ALDH3B1: variants seen among roughly 807,000 people sequenced by gnomAD.
ALDH3B1 encodes aldehyde dehydrogenase 3 family member B1, also known as aldehyde dehydrogenase family 3 member B1.
ALDH3B1 carries 37 observed loss-of-function variants against 46.2 expected under a neutral mutation model. The observed-to-expected ratio is 0.80, with a 90% CI of 0.62 to 1.05. ALDH3B1 has a LOEUF of 1.05. Ranked by LOEUF, ALDH3B1 falls within the 50% of genes least tolerant of loss-of-function variation. The pLI, the probability that ALDH3B1 is intolerant of heterozygous loss-of-function variation, is 0.00. For missense variants in ALDH3B1, 603 were observed against 665.5 expected (o/e 0.91, Z 1.03); for synonymous variants, 283 against 281.0 (o/e 1.01, Z -0.07).
At chr11:68,019,438 G>T (rs1232995578) in intron 5 of ALDH3B1, among the ~76,000 whole-genome samples, 183 bp downstream of exon 5, 1 of 152,212 alleles carries the variant, frequency 6.6e-6, no homozygotes, top group Non-Finnish European at 1.5e-5. Context: ...GAGGAGCAGC[G>T]AGGGCAGCCT....
chr11:68,015,499 A>AG, intron 2 of ALDH3B1, 40 bp downstream of exon 2: 1 of 1,556,602 alleles, frequency 6.4e-7, no homozygotes, highest in Non-Finnish European at 8.7e-7. Flanking sequence ...GCACTGGGGC[A>AG]GGGGGGCATG....
intron 8 of ALDH3B1, among the ~76,000 whole-genome samples, chr11:68,023,756 G>A (rs1375360377): frequency 6.6e-6 from 1 of 151,952 alleles, no homozygotes; most frequent in Non-Finnish European, 1.5e-5. Flanking sequence ...AAAAGTGATG[G>A]CAGGGCTGGG....
In ALDH3B1 at chr11:68,018,617, G is replaced by A. The variant is rs1472274751; in HGVS notation, c.253G>A (p.Glu85Lys). 13 of 1,578,578 alleles carry A rather than the reference G, an allele frequency of 8.2e-6. No individual in the cohort carries two copies. The highest frequency in any genetic ancestry group is 2.7e-5 in the African/African-American group (2 of 74,134). Reference protein sequence around the residue: ...LRNLRAWMKDERVPKNLATQL... With the variant: ...LRNLRAWMKDKRVPKNLATQL... ...GAACCTCCGGGCCTGGATGAAGGACGAGCGTGTGCCCAAGAACCTGGTGAG... is the reference window on the plus strand; with the variant it reads ...GAACCTCCGGGCCTGGATGAAGGACAAGCGTGTGCCCAAGAACCTGGTGAG... The change falls in exon 3 of 10, where the codon GAG becomes AAG. Residue 85 changes from glutamate (E) to lysine (K), a missense_variant. Transcript: ENST00000342456.
At chr11:68,026,885 G>A (rs902075038) in intron 9 of ALDH3B1, among the ~76,000 whole-genome samples, 1 of 152,162 alleles carries the variant, frequency 6.6e-6, no homozygotes, top group African/African-American at 2.4e-5. Context: ...GGCTCGGCTC[G>A]AGTTTGGGCG....
At position 68,021,610 on chromosome 11, in the gene ALDH3B1, A is replaced by G; in HGVS notation, c.688A>G (p.Asn230Asp). The G allele has an allele frequency of 2.5e-6, 4 of 1,613,452 alleles. No homozygotes were observed. In the South Asian group the frequency reaches 4.4e-5, roughly 18 times the overall value. Reference sequence around the variant, plus strand: ...CAACTGCGACCCCCAGACCGTGGCCAACCGCGTGGCCTGGTTCCGCTACTT... The same window carrying G: ...CAACTGCGACCCCCAGACCGTGGCCGACCGCGTGGCCTGGTTCCGCTACTT... ...DDNCDPQTVA[N>D]RVAWFRYFNA... Residue 230 changes from asparagine (N) to aspartate (D), a missense_variant, in exon 7 of 10, where the codon AAC (asparagine) becomes GAC (aspartate). Physicochemically the swap from Asn to Asp is conservative, Grantham distance 23. Transcript: ENST00000342456.
intron 6 of ALDH3B1, 105 bp from the exon 7 acceptor site, chr11:68,021,380 C>G: frequency 1.3e-6 from 2 of 1,495,884 alleles, no homozygotes; most frequent in Non-Finnish European, 1.8e-6. Context: ...AGGGCTGCTG[C>G]CCGCTGACTC....
At chr11:68,014,006 C>A (rs1315377453) in intron 1 of ALDH3B1, among the ~76,000 whole-genome samples, 1 of 152,230 alleles carries the variant, frequency 6.6e-6, no homozygotes, top group East Asian at 1.9e-4. Context: ...CGGAGCAGGT[C>A]CCGCCCTCAA....
chr11:68,010,268 G>A (rs975508304), upstream of ALDH3B1: 2 of 152,246 alleles, frequency 1.3e-5, no homozygotes, highest in South Asian at 2.1e-4. Flanking sequence ...AGTCAGGCAC[G>A]AGGCTAGGGC....
chr11:68,029,189 A>C lies in ALDH3B1; in HGVS notation c.*1250A>C, dbSNP rs936151383. 3 of 152,166 alleles carry C rather than the reference A, an allele frequency of 2.0e-5. No individual in the cohort carries two copies. The highest frequency in any genetic ancestry group is 7.2e-5 in the African/African-American group (3 of 41,422). The allele number at this position is 152,166 out of a possible 1,614,324, so 9.4% of individuals were successfully genotyped here. On this transcript the variant is annotated 3_prime_UTR_variant, in exon 10 of 10. Coordinates refer to ENST00000342456, the MANE Select transcript of ALDH3B1 (RefSeq NM_000694.4). The stretch of plus-strand genomic sequence containing the variant: ...TTAGACTATATCAACCTACAACTTT[A>C]GTCGGGAAGAGGGACAGGGGTGGAC...
At chr11:68,010,205 A>G (rs1857200201), upstream of ALDH3B1, 1 of 152,204 alleles carries the variant, frequency 6.6e-6, no homozygotes, top group South Asian at 2.1e-4. Flanking sequence ...GAGGCCCCCG[A>G]GGGAGGCGGT....
intron 1 of ALDH3B1, among the ~76,000 whole-genome samples, chr11:68,013,120 G>C (rs765552609): frequency 1.3e-5 from 2 of 152,134 alleles, no homozygotes. Flanking sequence ...GGAGATAACA[G>C]GCCCAGGATC....
At position 68,019,018 on chromosome 11, in the gene ALDH3B1, C is replaced by T. The variant is rs188017630; in HGVS notation, c.394+125C>T. The stretch of plus-strand genomic sequence containing the variant: ...CAAAGAGGACTGTCTGGTCCACCGT[C>T]CCCGGGCTGTGTGGCCCTGGGCCCG... On this transcript the variant is annotated intron_variant, in intron 4 of 9. Transcript: ENST00000342456. The T allele has an allele frequency of 2.3e-4, 339 of 1,465,608 alleles. 1 individual carries two copies. The African/African-American group carries it at 3.9e-3, about 17-fold the overall frequency. The allele number at this position is 1,465,608 out of a possible 1,614,324, so 90.8% of individuals were successfully genotyped here.
At chr11:68,018,487 G>A (rs375562363) in intron 2 of ALDH3B1, 40 bp from the exon 3 acceptor site, 1 of 1,496,152 alleles carries the variant, frequency 6.7e-7, no homozygotes, top group African/African-American at 1.4e-5. Context: ...TGCCAACTCT[G>A]GGAATCCTGG....
At chr11:68,026,489 C>G (rs1239519618) in intron 9 of ALDH3B1, among the ~76,000 whole-genome samples, 2 of 152,150 alleles carry the variant, frequency 1.3e-5, no homozygotes, top group African/African-American at 2.4e-5. Context: ...GTCCTTTACT[C>G]CAGGGCAGCT....
At chr11:68,024,388 A>G (rs1036330513) in intron 8 of ALDH3B1, 1 of 152,124 alleles carries the variant, frequency 6.6e-6, no homozygotes, top group Admixed American at 6.5e-5. Flanking sequence ...AGCCTACCCC[A>G]CCCTCACCAG....
chr11:68,016,257 G>A, intron 2 of ALDH3B1: 1 of 152,540 alleles, frequency 6.6e-6, no homozygotes, highest in Admixed American at 6.5e-5. Flanking sequence ...GCTCCCCATG[G>A]ATGCTGGGGA....
At chr11:68,016,948 C>T (rs543092545) in intron 2 of ALDH3B1, 1 of 152,496 alleles carries the variant, frequency 6.6e-6, no homozygotes, top group East Asian at 1.9e-4. Flanking sequence ...GAACATTCAA[C>T]CTGGTCCCTC....
In ALDH3B1 at chr11:68,018,374, C is replaced by T. The variant is rs137980158; in HGVS notation, c.163-153C>T. On this transcript the variant is annotated intron_variant, in intron 2 of 9. Transcript: ENST00000342456. Reference sequence around the variant, plus strand: ...TTTGGCACAGAGACAGCACCTCACACAGGAAGCACGCACTGAACATGGAGT... The same window carrying T: ...TTTGGCACAGAGACAGCACCTCACATAGGAAGCACGCACTGAACATGGAGT... 3.3e-5 allele frequency: 22 copies of T among 671,516 alleles called. No homozygotes were observed. In the East Asian group the frequency reaches 5.6e-4, roughly 17 times the overall value. The allele number at this position is 671,516 out of a possible 1,614,324, so 41.6% of individuals were successfully genotyped here. A position where few individuals can be genotyped will look rare whatever the true frequency, so the allele number is the denominator to read the frequency against.
upstream of ALDH3B1, among the ~76,000 whole-genome samples, chr11:68,009,912 G>A (rs958446552): frequency 6.6e-6 from 1 of 152,054 alleles, no homozygotes; most frequent in Non-Finnish European, 1.5e-5. Context: ...GGAGTGGGGG[G>A]TCGAGACTTC....
Sources: allele counts gnomAD v4.1 joint callset (sites outside exome capture counted in the v4.1 genomes callset), GRCh38; gene constraint gnomAD v4.1.1; transcripts MANE v1.5; gene names NCBI Gene and HGNC (gene_info 2026-07-23, HGNC 2026-07-21).